Variants in GNL1 observed in about 807,000 individuals in gnomAD.
GNL1 encodes the protein G protein nucleolar 1, also known as guanine nucleotide-binding protein-like 1.
Under a neutral mutation model 75.2 loss-of-function variants are expected in GNL1, and 21 were observed. The ratio of observed to expected loss-of-function variants is 0.28; its 90% CI spans 0.20 to 0.40. The LOEUF is 0.40. GNL1 is among the 10% of genes least tolerant of loss of function. The probability of loss-of-function intolerance (pLI) is 1.00; values close to 1 mark genes in which losing one functional copy is unlikely to be tolerated. For missense variants in GNL1, 579 were observed against 775.0 expected, an observed-to-expected ratio of 0.75 and a Z score of 3.00; for synonymous variants, 287 against 303.4, an observed-to-expected ratio of 0.95 and a Z score of 0.56.
In GNL1 at chr6:30,546,643, C is replaced by A. The variant is rs1799470443; in HGVS notation, c.1582+53G>T. The A allele has an allele frequency of 2.0e-6, 3 of 1,476,206 alleles. No individual in the cohort carries two copies. The highest frequency in any genetic ancestry group is 2.8e-6 in the Non-Finnish European group (3 of 1,075,364). 91.4% of individuals were successfully genotyped at this position (1,476,206 alleles called of 1,614,324 possible). ...CCTCTCTCTGGCCACAAAGCCCACA[C>A]CCTTTTACCTACGCTATAGCAGGGG... On this transcript the variant is annotated intron_variant, in intron 11 of 11. Transcript: ENST00000376621. This position sits in a 1 kb window ranked among gnomAD's most constrained non-coding sequence, Gnocchi z 5.1.
In GNL1 at chr6:30,547,602, G is replaced by A; in HGVS notation, c.1100-72C>T. Reference sequence around the variant, plus strand: ...GATGGGACTTGGTGCTATACCTATAGGTAAAAGGGGAACTAAGGCTCAGAA... The same window carrying A: ...GATGGGACTTGGTGCTATACCTATAAGTAAAAGGGGAACTAAGGCTCAGAA... On this transcript the variant is annotated intron_variant, in intron 8 of 11. Transcript: ENST00000376621. The surrounding 1 kb of genome is among the most constrained non-coding windows in gnomAD (Gnocchi z 5.5). 2 of 1,246,302 alleles carry A rather than the reference G, an allele frequency of 1.6e-6. No homozygotes were observed. The highest frequency in any genetic ancestry group is 2.3e-6 in the Non-Finnish European group (2 of 867,062). 77.2% of individuals were successfully genotyped at this position (1,246,302 alleles called of 1,614,324 possible).
rs953184661 is a variant in GNL1, at chr6:30,555,765, G to A, written c.74-45C>T. On this transcript the variant is annotated intron_variant, in intron 1 of 11. Transcript: ENST00000376621. This position sits in a 1 kb window ranked among gnomAD's most constrained non-coding sequence, Gnocchi z 4.3. ...ACGCCAGTGCTGGCCAGCTCTCAGG[G>A]GCCATAAGACCCTCTCCCCCATCGG... 3.1e-6 allele frequency: 5 copies of A among 1,593,076 alleles called. No individual in the cohort carries two copies. In the South Asian group the frequency reaches 3.3e-5, roughly 11 times the overall value.
In GNL1 at chr6:30,547,257, G is replaced by A. The variant is rs778301617; in HGVS notation, c.1296C>T (p.Tyr432=). The A allele has an allele frequency of 1.3e-5, 21 of 1,598,062 alleles. No individual in the cohort carries two copies. Among genetic ancestry groups the A allele is most frequent in the Admixed American group, 5.3e-5 (3 of 56,890 alleles). The change falls in exon 10 of 12, where the codon TAC becomes TAT. Residue 432 remains tyrosine, a synonymous_variant. Coordinates refer to ENST00000376621, the MANE Select transcript of GNL1 (RefSeq NM_005275.5). The surrounding 1 kb of genome is among the most constrained non-coding windows in gnomAD (Gnocchi z 5.5). ...PRQLQVLAGI[Y]PIAQIQEPYT... ...AGGGCTCCTGGATCTGGGCGATAGG[G>A]TAGATCCCTGCCAGAACCTGAGGGA...
intron 8 of GNL1, among the ~76,000 whole-genome samples, chr6:30,551,400 C>A (rs1021033579): frequency 1.8e-4 from 27 of 152,144 alleles, no homozygotes; most frequent in African/African-American, 6.3e-4. Context: ...TAAGTCAGGG[C>A]ACTTCCAAGG....
Position 30,547,555 on chromosome 6 carries a change from G to C in GNL1, c.1100-25C>G, listed in dbSNP as rs190982569. The C allele has an allele frequency of 2.7e-5, 44 of 1,600,388 alleles. 1 individual carries two copies. The highest frequency in any genetic ancestry group is 2.5e-4 in the Admixed American group (15 of 59,646). On this transcript the variant is annotated intron_variant, in intron 8 of 11. Coordinates refer to ENST00000376621, the MANE Select transcript of GNL1 (RefSeq NM_005275.5). The surrounding 1 kb of genome is among the most constrained non-coding windows in gnomAD (Gnocchi z 5.5). ...CCTGAGGAAGGCAAGGAAAATTAACGTTTAACAGGTTTCTACTCTGTGATG... is the reference window on the plus strand; with the variant it reads ...CCTGAGGAAGGCAAGGAAAATTAACCTTTAACAGGTTTCTACTCTGTGATG...
rs1391273280 is a variant in GNL1, at chr6:30,552,793, G to A, written c.905-132C>T. 7.6e-6 allele frequency: 6 copies of A among 787,188 alleles called. 1 individual carries two copies. The South Asian group carries it at 9.2e-5, about 12-fold the overall frequency. The allele number at this position is 787,188 out of a possible 1,614,324, so 48.8% of individuals were successfully genotyped here. ...TACAGTGCCAACCTAAATAAGAGCA[G>A]GTCAGAGAATCTCCCAAAAGTCATT... On this transcript the variant is annotated intron_variant, in intron 7 of 11. Transcript: ENST00000376621. This position sits in a 1 kb window ranked among gnomAD's most constrained non-coding sequence, Gnocchi z 4.5.
rs749159561 is a variant in GNL1 at position 30,555,591 on chromosome 6, G to A, written c.203C>T (p.Ser68Phe). Residue 68 changes from serine to phenylalanine, a missense_variant, in exon 2 of 12, where the codon TCT becomes TTT. Transcript: ENST00000376621. This position sits in a 1 kb window ranked among gnomAD's most constrained non-coding sequence, Gnocchi z 4.3. Reference sequence around the variant, plus strand: ...GTAGCCTCGTGGACCCAGCCCCTGAGAAGGCTGCTGGTTAAGCCTGCGGAT... The same window carrying A: ...GTAGCCTCGTGGACCCAGCCCCTGAAAAGGCTGCTGGTTAAGCCTGCGGAT... ...HHIRRLNQQP[S>F]QGLGPRGYDP... The A allele has an allele frequency of 7.4e-6, 12 of 1,613,900 alleles. No homozygotes were observed. Among genetic ancestry groups the A allele is most frequent in the Non-Finnish European group, 1.0e-5 (12 of 1,179,984 alleles).
intron 8 of GNL1, among the ~76,000 whole-genome samples, chr6:30,549,486 T>C (rs536731082): frequency 8.5e-5 from 13 of 152,324 alleles, no homozygotes; most frequent in African/African-American, 3.1e-4. Flanking sequence ...TGGGTCAGAC[T>C]CTTTTCACAC....
chr6:30,556,430 G>C lies in GNL1; in HGVS notation c.-227C>G, dbSNP rs906322148. ...GGAGCGAGGCGAGAGGATGATGCGG[G>C]GTGGGCTACTGGCACGTGAGAGCCA... On this transcript the variant is annotated 5_prime_UTR_variant, in exon 1 of 12. Coordinates refer to ENST00000376621, the MANE Select transcript of GNL1 (RefSeq NM_005275.5). This position sits in a 1 kb window ranked among gnomAD's most constrained non-coding sequence, Gnocchi z 5.7. 1.7e-6 allele frequency: 1 copy of C among 595,338 alleles called. No homozygotes were observed. The highest frequency in any genetic ancestry group is 1.9e-5 in the African/African-American group (1 of 52,858). The allele number at this position is 595,338 out of a possible 1,614,324, so 36.9% of individuals were successfully genotyped here. A position where few individuals can be genotyped will look rare whatever the true frequency, so the allele number is the denominator to read the frequency against.
Position 30,555,291 on chromosome 6 carries a change from G to C in GNL1, c.240-100C>G, listed in dbSNP as rs1800077051. On this transcript the variant is annotated intron_variant, in intron 2 of 11. Coordinates refer to ENST00000376621, the MANE Select transcript of GNL1 (RefSeq NM_005275.5). The surrounding 1 kb of genome is among the most constrained non-coding windows in gnomAD (Gnocchi z 4.3). Reference sequence around the variant, plus strand: ...TCAACTTCGCAAACCATTCTCTCCAGAGTCGTTCAAGTCTCCTCTCTCAAG... The same window carrying C: ...TCAACTTCGCAAACCATTCTCTCCACAGTCGTTCAAGTCTCCTCTCTCAAG... The C allele has an allele frequency of 1.4e-6, 2 of 1,459,116 alleles. No individual in the cohort carries two copies. The highest frequency in any genetic ancestry group is 1.9e-6 in the Non-Finnish European group (2 of 1,055,618). 90.4% of individuals were successfully genotyped at this position (1,459,116 alleles called of 1,614,324 possible).
At chr6:30,554,520 G>T in intron 5 of GNL1, 55 bp downstream of exon 5, 1 of 975,974 alleles carries the variant, frequency 1.0e-6, no homozygotes, top group Non-Finnish European at 1.7e-6. Flanking sequence ...TCTGACCTTT[G>T]CCCCTGAAAA....
intron 8 of GNL1, among the ~76,000 whole-genome samples, chr6:30,550,173 A>T (rs1283420720): frequency 6.6e-6 from 1 of 151,990 alleles, no homozygotes; most frequent in African/African-American, 2.4e-5. Context: ...TGGTTCCCCA[A>T]ATTTAAATCT....
At chr6:30,551,389 A>G (rs532139934) in intron 8 of GNL1, among the ~76,000 whole-genome samples, 1 of 152,202 alleles carries the variant, frequency 6.6e-6, no homozygotes, top group East Asian at 1.9e-4. Flanking sequence ...GGACACAGAG[A>G]TAAGTCAGGG....
chr6:30,555,458 G>A lies in GNL1; in HGVS notation c.239+97C>T. 1 of 1,253,090 alleles carries A rather than the reference G, an allele frequency of 8.0e-7. No individual in the cohort carries two copies. Among genetic ancestry groups the A allele is most frequent in the Non-Finnish European group, 1.1e-6 (1 of 889,072 alleles). 77.6% of individuals were successfully genotyped at this position (1,253,090 alleles called of 1,614,324 possible). On this transcript the variant is annotated intron_variant, in intron 2 of 11. Coordinates refer to ENST00000376621, the MANE Select transcript of GNL1 (RefSeq NM_005275.5). This position sits in a 1 kb window ranked among gnomAD's most constrained non-coding sequence, Gnocchi z 4.3. Reference sequence around the variant, plus strand: ...GCTAGCGGAGAACTGTGGCATCCCAGGCCCACCGTCTTCACCAGTAGCAGC... The same window carrying A: ...GCTAGCGGAGAACTGTGGCATCCCAAGCCCACCGTCTTCACCAGTAGCAGC...
chr6:30,544,339 G>T lies in GNL1; in HGVS notation c.*1733C>A. 6.6e-6 allele frequency: 1 copy of T among 152,252 alleles called. No individual in the cohort carries two copies. 9.4% of individuals were successfully genotyped at this position (152,252 alleles called of 1,614,324 possible). The stretch of plus-strand genomic sequence containing the variant: ...AAGACAAGCAAAGATAAACAGCACA[G>T]GAAGCAGAGGTACAAATAGAATTCT... On this transcript the variant is annotated 3_prime_UTR_variant, in exon 12 of 12. Transcript: ENST00000376621.
chr6:30,546,410 A>G lies in GNL1; in HGVS notation c.1583-97T>C, dbSNP rs1379801488. ...AGAGGCAAAGACTAGGAATAACAAT[A>G]ATCTTTAGAGCTGCTGGCATTCATT... On this transcript the variant is annotated intron_variant, in intron 11 of 11. Transcript: ENST00000376621. The surrounding 1 kb of genome is among the most constrained non-coding windows in gnomAD (Gnocchi z 5.1). 1 of 763,706 alleles carries G rather than the reference A, an allele frequency of 1.3e-6. No homozygotes were observed. 47.3% of individuals were successfully genotyped at this position (763,706 alleles called of 1,614,324 possible).
intron 5 of GNL1, 41 bp downstream of exon 5, chr6:30,554,534 T>C (rs779549928): frequency 1.6e-6 from 2 of 1,224,634 alleles, no homozygotes; most frequent in South Asian, 1.2e-5. Flanking sequence ...CTGAAAAACC[T>C]TTCTCCCTCC....
chr6:30,552,796 C>A lies in GNL1; in HGVS notation c.905-135G>T. The A allele has an allele frequency of 1.3e-6, 1 of 771,874 alleles. No homozygotes were observed. The highest frequency in any genetic ancestry group is 1.9e-5 in the South Asian group (1 of 54,042). The allele number at this position is 771,874 out of a possible 1,614,324, so 47.8% of individuals were successfully genotyped here. ...AGTGCCAACCTAAATAAGAGCAGGT[C>A]AGAGAATCTCCCAAAAGTCATTTGA... On this transcript the variant is annotated intron_variant, in intron 7 of 11. Transcript: ENST00000376621. This position sits in a 1 kb window ranked among gnomAD's most constrained non-coding sequence, Gnocchi z 4.5.
In GNL1 at chr6:30,552,672, AAGG is replaced by A. The variant is rs747816532; in HGVS notation, c.905-14_905-12del. 6 of 1,610,184 alleles carry A rather than the reference AAGG, an allele frequency of 3.7e-6. No homozygotes were observed. The highest frequency in any genetic ancestry group is 5.1e-6 in the Non-Finnish European group (6 of 1,177,666). On this transcript the variant is annotated splice_polypyrimidine_tract_variant and intron_variant, in intron 7 of 11. Coordinates refer to ENST00000376621, the MANE Select transcript of GNL1 (RefSeq NM_005275.5). The surrounding 1 kb of genome is among the most constrained non-coding windows in gnomAD (Gnocchi z 4.5). The stretch of plus-strand genomic sequence containing the variant: ...AGCTGCTCAAGTCCACTGCTCAAAG[AAGG>A]AGAAGATTAAAGAGGTTCTCCCCAG...
Sources: gnomAD v4.1 joint callset for allele counts (sites outside exome capture counted in the v4.1 genomes callset) on GRCh38, gnomAD v4.1.1 for gene constraint, Gnocchi (gnomAD v3.1) non-coding constraint, MANE v1.5 for transcripts, NCBI Gene and HGNC (gene_info 2026-07-23, HGNC 2026-07-21) for gene names.